Variants in CWC15 observed in about 807,000 individuals in gnomAD.
CWC15 encodes spliceosome-associated protein CWC15 homolog.
Under a neutral mutation model 28.4 loss-of-function variants are expected in CWC15, and 12 were observed. The observed-to-expected ratio is 0.42, with a 90% CI of 0.27 to 0.69. The LOEUF (loss-of-function observed/expected upper bound fraction) is 0.69, where lower values mean the gene tolerates loss of function less well. Ranked by LOEUF, CWC15 falls within the 30% of genes least tolerant of loss-of-function variation. CWC15 has a pLI of 0.23. For missense variants in CWC15, 192 were observed against 271.5 expected, an observed-to-expected ratio of 0.71 and a Z score of 2.06; for synonymous variants, 92 against 88.4, an observed-to-expected ratio of 1.04 and a Z score of -0.23.
chr11:94,971,973 A>C, intron 2 of CWC15, 82 bp downstream of exon 2: 1 of 1,247,034 alleles, frequency 8.0e-7, no homozygotes, highest in Non-Finnish European at 1.1e-6. Flanking sequence ...GACATAACTC[A>C]AACATACTAC....
chr11:94,967,582 C>T (rs1857663481), intron 5 of CWC15, among the ~76,000 whole-genome samples: 1 of 152,142 alleles, frequency 6.6e-6, no homozygotes, highest in African/African-American at 2.4e-5. Context: ...CAAGGAAAAA[C>T]AGATGGTGTG....
intron 4 of CWC15, 70 bp from the exon 5 acceptor site, chr11:94,970,166 C>A: frequency 3.0e-6 from 2 of 662,662 alleles, no homozygotes; most frequent in Non-Finnish European, 4.8e-6. Flanking sequence ...TACATATGTA[C>A]AACGTATCAC....
chr11:94,971,070 G>C lies in CWC15; in HGVS notation c.245-5C>G. The C allele has an allele frequency of 6.2e-7, 1 of 1,610,782 alleles. No homozygotes were observed. The highest frequency in any genetic ancestry group is 8.5e-7 in the Non-Finnish European group (1 of 1,177,162). ...CTGAAGAGGAGGTTGTATGTTCTGG[G>C]GGGAAACAAAAATCATTTAACTTAG... On this transcript the variant is annotated splice_region_variant and splice_polypyrimidine_tract_variant and intron_variant, in intron 3 of 6. Transcript: ENST00000279839.
chr11:94,971,199 G>T, intron 3 of CWC15, 134 bp from the exon 4 acceptor site: 1 of 990,604 alleles, frequency 1.0e-6, no homozygotes, highest in Non-Finnish European at 1.6e-6. Context: ...CAGTGCCTGG[G>T]CAAATAAGCC....
At chr11:94,964,452 A>G (rs781783269) in intron 6 of CWC15, among the ~76,000 whole-genome samples, 3 of 152,362 alleles carry the variant, frequency 2.0e-5, no homozygotes, top group Non-Finnish European at 2.9e-5. Context: ...TGACTGGGAT[A>G]TAAGACATGT....
intron 6 of CWC15, 139 bp downstream of exon 6, chr11:94,966,156 G>A (rs1857636634): frequency 1.8e-6 from 1 of 564,590 alleles, no homozygotes; most frequent in Non-Finnish European, 3.1e-6. Flanking sequence ...TGGACTTTTA[G>A]AAGCTTTTTA....
At chr11:94,969,125 C>T (rs1177339794) in intron 5 of CWC15, among the ~76,000 whole-genome samples, 1 of 152,162 alleles carries the variant, frequency 6.6e-6, no homozygotes, top group East Asian at 1.9e-4. Flanking sequence ...TATCTGTCAA[C>T]TCAACCTCCT....
At chr11:94,965,301 C>A (rs1251706354) in intron 6 of CWC15, among the ~76,000 whole-genome samples, 1 of 152,258 alleles carries the variant, frequency 6.6e-6, no homozygotes, top group Admixed American at 6.5e-5. Flanking sequence ...TTGACGAATG[C>A]ATATAAAATA....
chr11:94,969,904 A>G, intron 5 of CWC15, 85 bp downstream of exon 5: 1 of 670,350 alleles, frequency 1.5e-6, no homozygotes, highest in Non-Finnish European at 2.3e-6. Flanking sequence ...TTTCTAATAT[A>G]AGAAGATATT....
At chr11:94,970,236 T>C (rs1433130610) in intron 4 of CWC15, 140 bp from the exon 5 acceptor site, 2 of 410,634 alleles carry the variant, frequency 4.9e-6, no homozygotes, top group Non-Finnish European at 8.6e-6. Context: ...GCAGCAAAGA[T>C]ACTCAAAAGT....
At chr11:94,972,798 A>G (rs1857741955) in intron 1 of CWC15, among the ~76,000 whole-genome samples, 1 of 152,166 alleles carries the variant, frequency 6.6e-6, no homozygotes. Flanking sequence ...TGTTGAGCCA[A>G]TTTTCTCCTA....
chr11:94,969,654 A>T (rs1349587710), intron 5 of CWC15, among the ~76,000 whole-genome samples: 2 of 152,196 alleles, frequency 1.3e-5, no homozygotes, highest in Non-Finnish European at 2.9e-5. Context: ...GCAGAGAGAT[A>T]ATCTTTGTAG....
chr11:94,966,925 T>C (rs1371110519), intron 5 of CWC15, among the ~76,000 whole-genome samples: 1 of 152,196 alleles, frequency 6.6e-6, no homozygotes, highest in South Asian at 2.1e-4. Context: ...TGACAAGTTA[T>C]GAATGAAGAA....
intron 3 of CWC15, 138 bp downstream of exon 3, chr11:94,971,237 C>G: frequency 1.1e-6 from 1 of 931,742 alleles, no homozygotes; most frequent in Admixed American, 2.2e-5. Context: ...GTTATTATCT[C>G]TAATGACCTA....
chr11:94,968,260 ACCTGGC>A (rs1202854899), intron 5 of CWC15, among the ~76,000 whole-genome samples: 1 of 152,202 alleles, frequency 6.6e-6, no homozygotes, highest in Admixed American at 6.5e-5. Context: ...AATATTTACT[ACCTGGC>A]CCTTTACAGA....
rs1439100009 is a variant in CWC15, at chr11:94,972,173, C to CTTT, written c.12_13insAAA (p.Ala4_Ala5insLys). On this transcript the variant is annotated inframe_insertion, in exon 2 of 7. Coordinates refer to ENST00000279839, the MANE Select transcript of CWC15 (RefSeq NM_016403.4). ...CTGGCAGGTTCAAAGGTTGGCCTGG[C>CTTT]TGCTGTTGTCATCTTTTATGCTTTG... 2.5e-6 allele frequency: 4 copies of CTTT among 1,611,646 alleles called. No homozygotes were observed. In the African/African-American group the frequency reaches 4.0e-5, roughly 16 times the overall value.
At chr11:94,969,798 A>C (rs1451902529) in intron 5 of CWC15, among the ~76,000 whole-genome samples, 191 bp downstream of exon 5, 9 of 152,228 alleles carry the variant, frequency 5.9e-5, no homozygotes, top group Non-Finnish European at 7.3e-5. Flanking sequence ...AACTATTTGG[A>C]AAGAATTTCT....
Position 94,971,080 on chromosome 11 carries a change from A to G in CWC15, c.245-15T>C, listed in dbSNP as rs2134103220. On this transcript the variant is annotated splice_polypyrimidine_tract_variant and intron_variant, in intron 3 of 6. Transcript: ENST00000279839. ...GGTTGTATGTTCTGGGGGGAAACAA[A>G]AATCATTTAACTTAGTAAAACAAAT... The G allele has an allele frequency of 6.3e-7, 1 of 1,598,742 alleles. No homozygotes were observed. Among genetic ancestry groups the G allele is most frequent in the East Asian group, 2.2e-5 (1 of 44,784 alleles).
At chr11:94,969,942 A>C (rs1161571677) in intron 5 of CWC15, 47 bp downstream of exon 5, 2 of 1,243,454 alleles carry the variant, frequency 1.6e-6, no homozygotes, top group Non-Finnish European at 2.2e-6. Context: ...TTTCTACCTT[A>C]GTGTATGTGA....
Sources: gnomAD v4.1 joint callset for allele counts (sites outside exome capture counted in the v4.1 genomes callset) on GRCh38, gnomAD v4.1.1 for gene constraint, MANE v1.5 for transcripts, NCBI Gene and HGNC (gene_info 2026-07-23, HGNC 2026-07-21) for gene names.